Variants in PLEKHA8 observed in about 807,000 individuals in gnomAD.
PLEKHA8 encodes the protein pleckstrin homology domain containing A8.
PLEKHA8 carries 36 observed loss-of-function variants against 68.2 expected under a neutral mutation model. The ratio of observed to expected loss-of-function variants is 0.53; its 90% CI spans 0.40 to 0.70. PLEKHA8 has a LOEUF of 0.70. Among genes scored for constraint, PLEKHA8 ranks in the 30% least tolerant of loss-of-function variants. The probability of loss-of-function intolerance (pLI) is 0.00; values close to 1 mark genes in which losing one functional copy is unlikely to be tolerated. For synonymous variants in PLEKHA8, 211 were observed against 216.1 expected, an observed-to-expected ratio of 0.98 and a Z score of 0.20; for missense variants, 505 against 615.4, an observed-to-expected ratio of 0.82 and a Z score of 1.90.
chr7:30,049,675 C>G (rs1792252744), intron 5 of PLEKHA8, among the ~76,000 whole-genome samples: 1 of 152,140 alleles, frequency 6.6e-6, no homozygotes. Flanking sequence ...TTCAGCCTGA[C>G]CCTTCCAGTC....
chr7:30,102,361 A>T (rs1431393319), intron 13 of PLEKHA8, among the ~76,000 whole-genome samples: 1 of 152,272 alleles, frequency 6.6e-6, no homozygotes, highest in African/African-American at 2.4e-5. Flanking sequence ...GAAGCACTTT[A>T]ACAGTTCCTG....
At chr7:30,033,434 TG>T (rs1292801468) in intron 1 of PLEKHA8, among the ~76,000 whole-genome samples, 1 of 152,076 alleles carries the variant, frequency 6.6e-6, no homozygotes, top group African/African-American at 2.4e-5. Flanking sequence ...CGTAGCATAA[TG>T]TTTTTTTTGG....
In PLEKHA8 at chr7:30,049,338, A is replaced by C. The variant is rs752773141; in HGVS notation, c.553A>C (p.Thr185Pro). Residue 185 changes from threonine to proline, a missense_variant, in exon 5 of 14, where the codon ACT (threonine) becomes CCT (proline). Transcript: ENST00000449726. Reference sequence around the variant, plus strand: ...CTTCACCTCTGAGCTGCTCTACCGCACTCCACCAGGATCACCTCAGCTGGC... The same window carrying C: ...CTTCACCTCTGAGCTGCTCTACCGCCCTCCACCAGGATCACCTCAGCTGGC... ...AAFTSELLYR[T>P]PPGSPQLAML... The C allele has an allele frequency of 4.3e-6, 7 of 1,613,950 alleles. No individual in the cohort carries two copies. The East Asian group carries it at 1.3e-4, about 31-fold the overall frequency.
chr7:30,049,446 G>A, intron 5 of PLEKHA8, 64 bp downstream of exon 5: 1 of 1,567,702 alleles, frequency 6.4e-7, no homozygotes. Flanking sequence ...TTTATAGTGA[G>A]TTATGTTCTC....
rs947837810 is a variant in PLEKHA8, at chr7:30,055,342, G to A, written c.1039G>A (p.Asp347Asn). 6.2e-7 allele frequency: 1 copy of A among 1,613,538 alleles called. No individual in the cohort carries two copies. Among genetic ancestry groups the A allele is most frequent in the Non-Finnish European group, 8.5e-7 (1 of 1,179,490 alleles). Residue 347 changes from aspartate (D) to asparagine (N), a missense_variant and splice_region_variant, in exon 9 of 14, where the codon GAC (aspartate) becomes AAC (asparagine). Physicochemically the swap from Asp to Asn is conservative, Grantham distance 23 (BLOSUM62 1). Transcript: ENST00000449726. ...ATGTTATGCTGTGGTTCCAGTATTA[G>A]GTAAGATTCCTGCAGTTGCCTTACA... Reference protein sequence around the residue: ...ASCYAVVPVLDKLGPTVFAPV... With the variant: ...ASCYAVVPVLNKLGPTVFAPV...
At chr7:30,128,657 T>G (rs1338194512) in intron 13 of PLEKHA8, among the ~76,000 whole-genome samples, 1 of 152,200 alleles carries the variant, frequency 6.6e-6, no homozygotes, top group Admixed American at 6.5e-5. Flanking sequence ...CAGACACTGT[T>G]AGATGCCCTG....
intron 13 of PLEKHA8, among the ~76,000 whole-genome samples, chr7:30,120,692 G>A (rs991243442): frequency 6.6e-6 from 1 of 152,228 alleles, no homozygotes; most frequent in African/African-American, 2.4e-5. Context: ...TAGTTTGGGT[G>A]AAATTAATGC....
At chr7:30,036,481 T>A (rs1791109334) in intron 1 of PLEKHA8, among the ~76,000 whole-genome samples, 1 of 152,030 alleles carries the variant, frequency 6.6e-6, no homozygotes, top group Non-Finnish European at 1.5e-5. Flanking sequence ...AGAGAAATAA[T>A]GCCCAGAGGA....
At chr7:30,064,760 T>C (rs1368715165) in intron 12 of PLEKHA8, among the ~76,000 whole-genome samples, 1 of 152,108 alleles carries the variant, frequency 6.6e-6, no homozygotes, top group Non-Finnish European at 1.5e-5. Context: ...AACTTATTAG[T>C]ATGGAATTTT....
At chr7:30,075,579 A>G (rs1794560764) in intron 13 of PLEKHA8, among the ~76,000 whole-genome samples, 1 of 152,196 alleles carries the variant, frequency 6.6e-6, no homozygotes, top group Non-Finnish European at 1.5e-5. Flanking sequence ...AGCTCTCTGC[A>G]GTGAAGACAC....
intron 7 of PLEKHA8, among the ~76,000 whole-genome samples, chr7:30,053,726 G>A (rs1207005476): frequency 6.6e-6 from 1 of 152,076 alleles, no homozygotes; most frequent in Non-Finnish European, 1.5e-5. Flanking sequence ...CTATTGATAG[G>A]GATGTTCTTT....
chr7:30,054,922 A>G (rs916348706), intron 8 of PLEKHA8, 57 bp downstream of exon 8: 31 of 1,488,678 alleles, frequency 2.1e-5, no homozygotes, highest in Non-Finnish European at 2.5e-5. Flanking sequence ...ATTCTGGAAA[A>G]TCAGTCATGG....
intron 13 of PLEKHA8, among the ~76,000 whole-genome samples, chr7:30,100,603 C>T (rs1795815310): frequency 6.6e-6 from 1 of 151,978 alleles, no homozygotes; most frequent in African/African-American, 2.4e-5. Context: ...GAACACAATT[C>T]AAATAATAAC....
chr7:30,073,951 A>ACT (rs1794434031), intron 12 of PLEKHA8, 120 bp from the exon 13 acceptor site: 2 of 719,916 alleles, frequency 2.8e-6, no homozygotes, highest in Admixed American at 2.8e-5. Context: ...ACACCACTGT[A>ACT]CTCTAGCCTA....
intron 13 of PLEKHA8, among the ~76,000 whole-genome samples, chr7:30,077,140 T>C (rs748706689): frequency 7.9e-5 from 12 of 152,184 alleles, no homozygotes; most frequent in Non-Finnish European, 1.3e-4. Flanking sequence ...TCCCTCCAAA[T>C]TTTGAAGGCA....
intron 13 of PLEKHA8, among the ~76,000 whole-genome samples, chr7:30,119,142 G>C (rs912497023): frequency 6.6e-6 from 1 of 152,214 alleles, no homozygotes; most frequent in Non-Finnish European, 1.5e-5. Flanking sequence ...CCCAAAAGAT[G>C]ATGACTTCTG....
chr7:30,044,216 A>G (rs1362050090), intron 1 of PLEKHA8, among the ~76,000 whole-genome samples: 1 of 152,118 alleles, frequency 6.6e-6, no homozygotes, highest in Non-Finnish European at 1.5e-5. Flanking sequence ...CATGTTGGCC[A>G]GGATGGTCTC....
chr7:30,116,679 T>C (rs2128022526), intron 13 of PLEKHA8, among the ~76,000 whole-genome samples: 1 of 152,322 alleles, frequency 6.6e-6, no homozygotes, highest in African/African-American at 2.4e-5. Flanking sequence ...TAAATGATTT[T>C]CATTGACTGT....
At chr7:30,118,935 A>G (rs1224822581) in intron 13 of PLEKHA8, among the ~76,000 whole-genome samples, 1 of 152,244 alleles carries the variant, frequency 6.6e-6, no homozygotes, top group African/African-American at 2.4e-5. Flanking sequence ...ACCTTTCTGT[A>G]TCTTGGCCTC....
Sources: gnomAD v4.1 joint callset for allele counts (sites outside exome capture counted in the v4.1 genomes callset) on GRCh38, gnomAD v4.1.1 for gene constraint, MANE v1.5 for transcripts, NCBI Gene and HGNC (gene_info 2026-07-23, HGNC 2026-07-21) for gene names.